Variants in EYS observed in about 807,000 individuals in gnomAD.
EYS encodes protein eyes shut homolog.
EYS carries 250 observed loss-of-function variants against 282.1 expected under a neutral mutation model. The observed-to-expected ratio is 0.89, with a 90% CI of 0.80 to 0.98. EYS has a LOEUF of 0.98. Ranked by LOEUF, EYS falls within the 50% of genes least tolerant of loss-of-function variation. The pLI is 0.00. For missense variants in EYS, 4,016 were observed against 3,709.0 expected (o/e 1.08, Z -2.15); for synonymous variants, 1,355 against 1,282.9 (o/e 1.06, Z -1.20).
At chr6:65,044,390 C>A (rs1236303314) in intron 13 of EYS, among the ~76,000 whole-genome samples, 2 of 151,644 alleles carry the variant, frequency 1.3e-5, no homozygotes, top group African/African-American at 4.8e-5. Context: ...TTGATTTCAT[C>A]CCATTTGTCT....
Position 63,901,077 on chromosome 6 carries a change from G to A in EYS, c.7056-36719C>T, listed in dbSNP as rs554474710. Among the ~76,000 whole-genome samples, 5 of 152,266 alleles carry A rather than the reference G, an allele frequency of 3.3e-5. No homozygotes were observed. The South Asian group carries it at 6.2e-4, about 19-fold the overall frequency. Reference sequence around the variant, plus strand: ...TGAGTGTCCTCAGATATTAGATATAGCATACAAACAGTCAAAAGCAGCTGT... The same window carrying A: ...TGAGTGTCCTCAGATATTAGATATAACATACAAACAGTCAAAAGCAGCTGT... On this transcript the variant is annotated intron_variant, in intron 35 of 42. Transcript: ENST00000503581.
intron 2 of EYS, among the ~76,000 whole-genome samples, chr6:65,599,877 T>C (rs1187646046): frequency 6.6e-6 from 1 of 152,066 alleles, no homozygotes; most frequent in East Asian, 1.9e-4. Context: ...CCTTGAGTGC[T>C]ATGTCCTCAG....
rs57111776 is a variant in EYS, at chr6:64,561,919, C to CAA, written c.5644+28302_5644+28303dup. 1.8e-3 allele frequency among the ~76,000 whole-genome samples: 153 copies of CAA among 87,142 alleles called. 2 individuals carry two copies. Among genetic ancestry groups the CAA allele is most frequent in the South Asian group, 5.3e-3 (13 of 2,456 alleles). The allele number at this position is 87,142 out of a possible 152,430, so 57.2% of individuals were successfully genotyped here. On this transcript the variant is annotated intron_variant, in intron 26 of 42. Transcript: ENST00000503581. Reference sequence around the variant, plus strand: ...AACTATTATAAAATTCACATGGAACCAAAAAAAAAAAAAAAAAAAGAGCTC... The same window carrying CAA: ...AACTATTATAAAATTCACATGGAACCAAAAAAAAAAAAAAAAAAAAAGAGCTC...
chr6:63,730,406 T>G (rs763517078), intron 41 of EYS, among the ~76,000 whole-genome samples: 1 of 152,210 alleles, frequency 6.6e-6, no homozygotes, highest in Non-Finnish European at 1.5e-5. Context: ...TAGAATAAAA[T>G]GCAGATTCTT....
chr6:64,590,216 A>C lies in EYS; in HGVS notation c.5644+7T>G, dbSNP rs539437238. On this transcript the variant is annotated splice_region_variant and intron_variant, in intron 26 of 42. Transcript: ENST00000503581. ...AAAGTTTACTGAACAGAAACTGAGA[A>C]ACTCACCAGAAATCATCAGCCGTTG... 5.9e-6 allele frequency: 9 copies of C among 1,522,902 alleles called. No homozygotes were observed. Among genetic ancestry groups the C allele is most frequent in the Admixed American group, 2.2e-5 (1 of 44,608 alleles). 94.3% of individuals were successfully genotyped at this position (1,522,902 alleles called of 1,614,324 possible).
chr6:64,109,720 G>A (rs113842141), intron 31 of EYS, among the ~76,000 whole-genome samples: 10,079 of 152,130 alleles, frequency 0.066, 1,006 homozygotes, highest in African/African-American at 0.22. Context: ...AATGGGAAAA[G>A]TACATTAGAA....
At chr6:65,658,095 G>A (rs1288712297) in intron 1 of EYS, among the ~76,000 whole-genome samples, 1 of 151,718 alleles carries the variant, frequency 6.6e-6, no homozygotes, top group Non-Finnish European at 1.5e-5. Context: ...GTAAGCATAA[G>A]CTTTATATGT....
chr6:63,859,810 C>G (rs1244696063), intron 36 of EYS, among the ~76,000 whole-genome samples: 1 of 152,088 alleles, frequency 6.6e-6, no homozygotes, highest in Non-Finnish European at 1.5e-5. Flanking sequence ...GCCACGATTA[C>G]CCCTGGATGA....
intron 26 of EYS, among the ~76,000 whole-genome samples, chr6:64,548,391 C>T (rs996088247): frequency 3.3e-4 from 50 of 152,088 alleles, no homozygotes; most frequent in African/African-American, 4.1e-4. Flanking sequence ...ATGTTTATTG[C>T]GGCACTATTC....
chr6:65,420,268 G>A (rs913951761), intron 5 of EYS, among the ~76,000 whole-genome samples: 2 of 151,954 alleles, frequency 1.3e-5, no homozygotes, highest in African/African-American at 4.8e-5. Context: ...CCAAATTTAT[G>A]TAATATTCTA....
chr6:64,865,253 C>A (rs1175844617), intron 19 of EYS, among the ~76,000 whole-genome samples: 3 of 151,854 alleles, frequency 2.0e-5, no homozygotes, highest in Non-Finnish European at 4.4e-5. Flanking sequence ...TATATACACA[C>A]ATAAAGTCTA....
At chr6:64,852,728 G>C (rs1190541588) in intron 19 of EYS, among the ~76,000 whole-genome samples, 2 of 152,078 alleles carry the variant, frequency 1.3e-5, no homozygotes, top group Non-Finnish European at 2.9e-5. Flanking sequence ...AATGGCATGT[G>C]CACATGGGAG....
At chr6:64,960,613 G>A (rs1769880011) in intron 14 of EYS, among the ~76,000 whole-genome samples, 1 of 152,018 alleles carries the variant, frequency 6.6e-6, no homozygotes, top group South Asian at 2.1e-4. Flanking sequence ...ATAAATCCGT[G>A]CCATCTTACA....
chr6:65,531,704 T>C (rs2127308913), intron 2 of EYS, among the ~76,000 whole-genome samples: 1 of 152,286 alleles, frequency 6.6e-6, no homozygotes, highest in South Asian at 2.1e-4. Context: ...TTGGTATGAA[T>C]TTGTGGACTG....
intron 14 of EYS, among the ~76,000 whole-genome samples, chr6:64,955,718 C>A (rs970402422): frequency 6.6e-6 from 1 of 152,178 alleles, no homozygotes; most frequent in Non-Finnish European, 1.5e-5. Flanking sequence ...CTATGGTCTA[C>A]TCCAGATATG....
chr6:65,172,565 CAA>C (rs1445271240), intron 12 of EYS, among the ~76,000 whole-genome samples: 1 of 150,974 alleles, frequency 6.6e-6, no homozygotes, highest in Non-Finnish European at 1.5e-5. Flanking sequence ...AAACATGTAC[CAA>C]ATTTATATTA....
chr6:64,751,203 A>G (rs1772739966), intron 22 of EYS, among the ~76,000 whole-genome samples: 1 of 152,106 alleles, frequency 6.6e-6, no homozygotes, highest in Non-Finnish European at 1.5e-5. Context: ...GAGTTTTTCC[A>G]GGCATATGGC....
Position 64,631,641 on chromosome 6 carries a change from T to G in EYS, c.3444-5396A>C, listed in dbSNP as rs1487075234. 3 of 152,164 alleles carry G rather than the reference T, an allele frequency of 2.0e-5. No individual in the cohort carries two copies. In the East Asian group the frequency reaches 5.8e-4, roughly 29 times the overall value. 9.4% of individuals were successfully genotyped at this position (152,164 alleles called of 1,614,324 possible). A position where few individuals can be genotyped will look rare whatever the true frequency, so the allele number is the denominator to read the frequency against. ...TTGTTGGTCTTTTCCATGGGAGTTT[T>G]ATAGATTTTACCACTCCAAAAACAG... On this transcript the variant is annotated intron_variant, in intron 22 of 42. Transcript: ENST00000503581.
At chr6:64,092,459 T>C (rs1415625792) in intron 31 of EYS, among the ~76,000 whole-genome samples, 1 of 151,422 alleles carries the variant, frequency 6.6e-6, no homozygotes, top group Non-Finnish European at 1.5e-5. Flanking sequence ...TGGTGTGAGA[T>C]GGTATCTCAT....
Sources: allele counts gnomAD v4.1 joint callset (sites outside exome capture counted in the v4.1 genomes callset), GRCh38; gene constraint gnomAD v4.1.1; transcripts MANE v1.5; gene names NCBI Gene and HGNC (gene_info 2026-07-23, HGNC 2026-07-21).